Variants in TLX3 observed in about 807,000 individuals in gnomAD.
TLX3 encodes the protein T-cell leukemia homeobox protein 3.
In TLX3, 11 loss-of-function variants were observed where a neutral mutation model predicts 19.6. The ratio of observed to expected loss-of-function variants is 0.56; its 90% CI spans 0.35 to 0.93. TLX3 has a LOEUF of 0.93. Among genes scored for constraint, TLX3 ranks in the 40% least tolerant of loss-of-function variants. The pLI is 0.01. For missense variants in TLX3, 375 were observed against 418.6 expected (o/e 0.90, Z 0.91); for synonymous variants, 221 against 188.1 (o/e 1.17, Z -1.43).
At position 171,311,831 on chromosome 5, in the gene TLX3, C is replaced by G; in HGVS notation, c.*232C>G. On this transcript the variant is annotated 3_prime_UTR_variant, in exon 3 of 3. Coordinates refer to ENST00000296921, the MANE Select transcript of TLX3 (RefSeq NM_021025.4). The surrounding 1 kb of genome is among the most constrained non-coding windows in gnomAD (Gnocchi z 5.1). ...CCCGCGCCCCGTCCCGCCCCAGGCC[C>G]GGGCCTGACAAGAAAGCGCCTTACG... The G allele has an allele frequency of 2.7e-6, 1 of 368,872 alleles. No homozygotes were observed. Among genetic ancestry groups the G allele is most frequent in the South Asian group, 1.1e-4 (1 of 9,086 alleles). The allele number at this position is 368,872 out of a possible 1,614,324, so 22.8% of individuals were successfully genotyped here.
At chr5:171,309,866 G>A (rs1040506907) in intron 1 of TLX3, 80 bp downstream of exon 1, 3 of 1,458,600 alleles carry the variant, frequency 2.1e-6, no homozygotes, top group Middle Eastern at 2.0e-4. Flanking sequence ...CTCCACTCCC[G>A]GAAACCATTT....
Position 171,309,799 on chromosome 5 carries a change from G to C in TLX3, c.421+13G>C, listed in dbSNP as rs752942891. ...GACCGCTTCACAGGTGAGCAGAGCTGGCGACCAGGCTCCAGGCCTCCGCCC... is the reference window on the plus strand; with the variant it reads ...GACCGCTTCACAGGTGAGCAGAGCTCGCGACCAGGCTCCAGGCCTCCGCCC... On this transcript the variant is annotated intron_variant, in intron 1 of 2. Transcript: ENST00000296921. 1 of 1,575,530 alleles carries C rather than the reference G, an allele frequency of 6.3e-7. No individual in the cohort carries two copies. Among genetic ancestry groups the C allele is most frequent in the African/African-American group, 1.4e-5 (1 of 73,620 alleles).
chr5:171,309,860 A>T (rs1021557844), intron 1 of TLX3, 74 bp downstream of exon 1: 2 of 1,460,942 alleles, frequency 1.4e-6, no homozygotes, highest in Admixed American at 5.2e-5. Context: ...TGTGCGCTCC[A>T]CTCCCGGAAA....
At position 171,310,804 on chromosome 5, in the gene TLX3, C is replaced by A. The variant is rs137999665; in HGVS notation, c.665+411C>A. On this transcript the variant is annotated intron_variant, in intron 2 of 2. Coordinates refer to ENST00000296921, the MANE Select transcript of TLX3 (RefSeq NM_021025.4). ...TCTCCTTCTCCTCCTTCTTCCAGCC[C>A]GCCCTCTCGGATTTTCAACAATCCT... is the stretch of plus-strand genomic sequence containing the variant. Among the ~76,000 whole-genome samples, 1,240 of 151,452 alleles carry A rather than the reference C, an allele frequency of 8.2e-3. 6 individuals carry two copies. The highest frequency in any genetic ancestry group is 0.014 in the Middle Eastern group (4 of 294).
At position 171,311,527 on chromosome 5, in the gene TLX3, CTT is replaced by C; in HGVS notation, c.806_807del (p.Phe269CysfsTer12). On this transcript the variant is annotated frameshift_variant, in exon 3 of 3. Coordinates refer to ENST00000296921, the MANE Select transcript of TLX3 (RefSeq NM_021025.4). LOFTEE classifies it high-confidence loss of function. The surrounding 1 kb of genome is among the most constrained non-coding windows in gnomAD (Gnocchi z 5.1). ...DPLCLHNSSL[F>X]ALQNLQPWEE... ...CGCTCTGTCTGCACAACTCGTCACT[CTT>C]TGCTCTGCAGAATCTGCAGCCCTGG... 1 of 1,613,460 alleles carries C rather than the reference CTT, an allele frequency of 6.2e-7. No homozygotes were observed. The highest frequency in any genetic ancestry group is 2.2e-5 in the East Asian group (1 of 44,846).
In TLX3 at chr5:171,309,559, G is replaced by A. The variant is rs953626168; in HGVS notation, c.194G>A (p.Gly65Asp). ...CCGTCTCTGCCCGCCTCCTTTGCGG[G>A]CCTCGGCGCGCCCTTCGAGGACGCG... ...TYPSLPASFAGLGAPFEDAGS... is the reference protein window; with the variant it reads ...TYPSLPASFADLGAPFEDAGS... The change falls in exon 1 of 3, where the codon GGC (glycine) becomes GAC (aspartate). Residue 65 changes from glycine to aspartate, a missense_variant. This residue lies in a region of TLX3 where 239 missense variants were observed against 217.0 expected (regional missense o/e 1.10). Transcript: ENST00000296921. 3.2e-6 allele frequency: 5 copies of A among 1,581,654 alleles called. No homozygotes were observed. In the Admixed American group the frequency reaches 7.2e-5, roughly 23 times the overall value.
rs1282306986 is a variant in TLX3 at position 171,311,371 on chromosome 5, C to A, written c.666-18C>A. 1 of 1,548,100 alleles carries A rather than the reference C, an allele frequency of 6.5e-7. No homozygotes were observed. Among genetic ancestry groups the A allele is most frequent in the Non-Finnish European group, 8.7e-7 (1 of 1,146,474 alleles). ...CCGGGTGCATGACGGTACTGTCCCT[C>A]TCCCTCCCCCGGTGCAGGCGGCAGA... On this transcript the variant is annotated intron_variant, in intron 2 of 2. Coordinates refer to ENST00000296921, the MANE Select transcript of TLX3 (RefSeq NM_021025.4). This position sits in a 1 kb window ranked among gnomAD's most constrained non-coding sequence, Gnocchi z 5.1.
chr5:171,309,385 C>G lies in TLX3; in HGVS notation c.20C>G (p.Ala7Gly). 13 of 1,600,794 alleles carry G rather than the reference C, an allele frequency of 8.1e-6. No individual in the cohort carries two copies. Among genetic ancestry groups the G allele is most frequent in the Non-Finnish European group, 1.1e-5 (13 of 1,175,516 alleles). The change falls in exon 1 of 3, where the codon GCG becomes GGG. Residue 7 changes from alanine (A) to glycine (G), a missense_variant. Transcript: ENST00000296921. Reference sequence around the variant, plus strand: ...CCCAGGATGGAGGCGCCCGCCAGCGCGCAGACCCCGCACCCGCACGAGCCC... The same window carrying G: ...CCCAGGATGGAGGCGCCCGCCAGCGGGCAGACCCCGCACCCGCACGAGCCC... MEAPASAQTPHPHEPIS... is the reference protein window; with the variant it reads MEAPASGQTPHPHEPIS...
In TLX3 at chr5:171,309,607, G is replaced by A. The variant is rs1222179650; in HGVS notation, c.242G>A (p.Ser81Asn). The change falls in exon 1 of 3, where the codon AGC becomes AAC. Residue 81 changes from serine to asparagine, a missense_variant. This residue lies in a region of TLX3 where 239 missense variants were observed against 217.0 expected (regional missense o/e 1.10). Coordinates refer to ENST00000296921, the MANE Select transcript of TLX3 (RefSeq NM_021025.4). ...GCGGGATCTTACAGTGTGAACCTGA[G>A]CCTAGCGCCCGCAGGCGTGATCCGG... The part of the protein sequence containing the change: ...EDAGSYSVNL[S>N]LAPAGVIRVP... The A allele has an allele frequency of 2.5e-6, 4 of 1,606,448 alleles. No individual in the cohort carries two copies. The highest frequency in any genetic ancestry group is 2.2e-5 in the South Asian group (2 of 90,220).
At position 171,309,386 on chromosome 5, in the gene TLX3, G is replaced by A. The variant is rs537348276; in HGVS notation, c.21G>A (p.Ala7=). ...CCAGGATGGAGGCGCCCGCCAGCGC[G>A]CAGACCCCGCACCCGCACGAGCCCA... MEAPAS[A]QTPHPHEPIS... Residue 7 remains alanine, a synonymous_variant, in exon 1 of 3, where the codon GCG becomes GCA. Transcript: ENST00000296921. The A allele has an allele frequency of 1.3e-5, 18 of 1,364,818 alleles. No homozygotes were observed. The African/African-American group carries it at 2.0e-4, about 15-fold the overall frequency. 84.5% of individuals were successfully genotyped at this position (1,364,818 alleles called of 1,614,324 possible). A position where few individuals can be genotyped will look rare whatever the true frequency, so the allele number is the denominator to read the frequency against.
chr5:171,309,465 G>T lies in TLX3; in HGVS notation c.100G>T (p.Ala34Ser), dbSNP rs773035137. Residue 34 changes from alanine to serine, a missense_variant, in exon 1 of 3, where the codon GCC (alanine) becomes TCC (serine). Around this residue, in one of 3 missense-constraint regions of TLX3, gnomAD observed 239 missense variants for 217.0 expected, o/e 1.10. Coordinates refer to ENST00000296921, the MANE Select transcript of TLX3 (RefSeq NM_021025.4). ...CAGCCCGGACCAGGACAGCGCACCC[G>T]CCCCGCGGGGCCCCGACGGCGCCAG... Reference protein sequence around the residue: ...LNSPDQDSAPAPRGPDGASYL... With the variant: ...LNSPDQDSAPSPRGPDGASYL... 3 of 1,594,152 alleles carry T rather than the reference G, an allele frequency of 1.9e-6. No homozygotes were observed. Among genetic ancestry groups the T allele is most frequent in the African/African-American group, 1.4e-5 (1 of 73,336 alleles).
chr5:171,309,472 G>C lies in TLX3; in HGVS notation c.107G>C (p.Arg36Pro), dbSNP rs1042430432. The C allele has an allele frequency of 6.3e-7, 1 of 1,595,118 alleles. No individual in the cohort carries two copies. Among genetic ancestry groups the C allele is most frequent in the African/African-American group, 1.4e-5 (1 of 73,192 alleles). ...GACCAGGACAGCGCACCCGCCCCGC[G>C]GGGCCCCGACGGCGCCAGCTACCTG... ...SPDQDSAPAP[R>P]GPDGASYLGG... Residue 36 changes from arginine to proline, a missense_variant, in exon 1 of 3, where the codon CGG becomes CCG. By Grantham distance (103) the Arg-to-Pro change is moderately radical. This residue lies in a region of TLX3 where 239 missense variants were observed against 217.0 expected (regional missense o/e 1.10). Coordinates refer to ENST00000296921, the MANE Select transcript of TLX3 (RefSeq NM_021025.4).
In TLX3 at chr5:171,311,545, G is replaced by T; in HGVS notation, c.822G>T (p.Leu274=). The T allele has an allele frequency of 6.2e-7, 1 of 1,613,306 alleles. No homozygotes were observed. Among genetic ancestry groups the T allele is most frequent in the South Asian group, 1.1e-5 (1 of 90,942 alleles). ...HNSSLFALQN[L]QPWEEDSSKV... The stretch of plus-strand genomic sequence containing the variant: ...CGTCACTCTTTGCTCTGCAGAATCT[G>T]CAGCCCTGGGAGGAGGATAGTTCCA... Residue 274 remains leucine, a synonymous_variant, in exon 3 of 3, where the codon CTG becomes CTT. Transcript: ENST00000296921. The surrounding 1 kb of genome is among the most constrained non-coding windows in gnomAD (Gnocchi z 5.1).
Position 171,309,346 on chromosome 5 carries a change from A to G in TLX3, c.-20A>G. On this transcript the variant is annotated 5_prime_UTR_variant, in exon 1 of 3. Coordinates refer to ENST00000296921, the MANE Select transcript of TLX3 (RefSeq NM_021025.4). ...GCCGCCTCCCCGCCCAGCCCAGCCC[A>G]GCCCTTCCGCCCGCCCAGGATGGAG... 4.3e-5 allele frequency: 22 copies of G among 511,016 alleles called. No homozygotes were observed. The highest frequency in any genetic ancestry group is 6.3e-5 in the Non-Finnish European group (20 of 318,366). 31.7% of individuals were successfully genotyped at this position (511,016 alleles called of 1,614,324 possible).
Position 171,309,335 on chromosome 5 carries a change from C to A in TLX3, c.-31C>A. On this transcript the variant is annotated 5_prime_UTR_variant, in exon 1 of 3. Transcript: ENST00000296921. ...ACGGGGACCCAGCCGCCTCCCCGCC[C>A]AGCCCAGCCCAGCCCTTCCGCCCGC... The A allele has an allele frequency of 3.3e-6, 4 of 1,214,524 alleles. No individual in the cohort carries two copies. Among genetic ancestry groups the A allele is most frequent in the South Asian group, 1.4e-5 (1 of 71,482 alleles). 75.2% of individuals were successfully genotyped at this position (1,214,524 alleles called of 1,614,324 possible).
rs1043913247 is a variant in TLX3, at chr5:171,311,783, G to T, written c.*184G>T. Reference sequence around the variant, plus strand: ...AGGGGGTAGGGCCCGAGCTCCGCGCGGCCGCACAATCCGAGCCCCCGCCCC... The same window carrying T: ...AGGGGGTAGGGCCCGAGCTCCGCGCTGCCGCACAATCCGAGCCCCCGCCCC... On this transcript the variant is annotated 3_prime_UTR_variant, in exon 3 of 3. Transcript: ENST00000296921. This position sits in a 1 kb window ranked among gnomAD's most constrained non-coding sequence, Gnocchi z 5.1. 1 of 421,102 alleles carries T rather than the reference G, an allele frequency of 2.4e-6. No homozygotes were observed. The highest frequency in any genetic ancestry group is 4.1e-6 in the Non-Finnish European group (1 of 242,600). 26.1% of individuals were successfully genotyped at this position (421,102 alleles called of 1,614,324 possible).
In TLX3 at chr5:171,311,641, C is replaced by G. The variant is rs903648714; in HGVS notation, c.*42C>G. On this transcript the variant is annotated 3_prime_UTR_variant, in exon 3 of 3. Transcript: ENST00000296921. This position sits in a 1 kb window ranked among gnomAD's most constrained non-coding sequence, Gnocchi z 5.1. Reference sequence around the variant, plus strand: ...CGTCGCCACGGATCGCCGCCCCCACCCAGCCGGGCGCCCCGGACCCCCCAG... The same window carrying G: ...CGTCGCCACGGATCGCCGCCCCCACGCAGCCGGGCGCCCCGGACCCCCCAG... 4 of 1,506,424 alleles carry G rather than the reference C, an allele frequency of 2.7e-6. No individual in the cohort carries two copies. In the African/African-American group the frequency reaches 5.6e-5, roughly 21 times the overall value. 93.3% of individuals were successfully genotyped at this position (1,506,424 alleles called of 1,614,324 possible). A position where few individuals can be genotyped will look rare whatever the true frequency, so the allele number is the denominator to read the frequency against.
rs1186208676 is a variant in TLX3 at position 171,311,301 on chromosome 5, C to T, written c.666-88C>T. 18 of 1,267,936 alleles carry T rather than the reference C, an allele frequency of 1.4e-5. No individual in the cohort carries two copies. The highest frequency in any genetic ancestry group is 6.1e-5 in the African/African-American group (4 of 65,398). 78.5% of individuals were successfully genotyped at this position (1,267,936 alleles called of 1,614,324 possible). A position where few individuals can be genotyped will look rare whatever the true frequency, so the allele number is the denominator to read the frequency against. ...CTGCGCCTCGAGGCTCCCGGATGGCCTCGGCTCCCGGGAGGGCCGGGGCCC... is the reference window on the plus strand; with the variant it reads ...CTGCGCCTCGAGGCTCCCGGATGGCTTCGGCTCCCGGGAGGGCCGGGGCCC... On this transcript the variant is annotated intron_variant, in intron 2 of 2. Transcript: ENST00000296921. The surrounding 1 kb of genome is among the most constrained non-coding windows in gnomAD (Gnocchi z 5.1).
rs559418120 is a variant in TLX3, at chr5:171,311,718, G to C, written c.*119G>C. ...GAGGGGAAGGGGCCGCCTAGCCCGA[G>C]TAGGCCCCAGGGCGCGGCCACAGAC... is the stretch of plus-strand genomic sequence containing the variant. On this transcript the variant is annotated 3_prime_UTR_variant, in exon 3 of 3. Transcript: ENST00000296921. The surrounding 1 kb of genome is among the most constrained non-coding windows in gnomAD (Gnocchi z 5.1). 366 of 733,294 alleles carry C rather than the reference G, an allele frequency of 5.0e-4. No homozygotes were observed. In the African/African-American group the frequency reaches 5.7e-3, roughly 11 times the overall value. The allele number at this position is 733,294 out of a possible 1,614,324, so 45.4% of individuals were successfully genotyped here.
Sources: allele counts gnomAD v4.1 joint callset (sites outside exome capture counted in the v4.1 genomes callset), GRCh38; gene constraint gnomAD v4.1.1; regional missense constraint gnomAD v4.1.1; non-coding constraint Gnocchi (gnomAD v3.1); transcripts MANE v1.5; gene names NCBI Gene and HGNC (gene_info 2026-07-23, HGNC 2026-07-21).